The following ADGRG5 variants were observed in gnomAD, a reference collection of about 807,000 sequenced individuals.
ADGRG5 encodes the protein G protein-coupled receptor 114.
Under a neutral mutation model 53.2 loss-of-function variants are expected in ADGRG5, and 37 were observed. The ratio of observed to expected loss-of-function variants is 0.70; its 90% CI spans 0.53 to 0.91. The LOEUF is 0.91. Ranked by LOEUF, ADGRG5 falls within the 40% of genes least tolerant of loss-of-function variation. The pLI is 0.00. For missense variants in ADGRG5, 614 were observed against 675.8 expected (o/e 0.91, Z 1.01); for synonymous variants, 277 against 290.4 (o/e 0.95, Z 0.47).
intron 1 of ADGRG5, among the ~76,000 whole-genome samples, chr16:57,557,927 A>T (rs1200442409): frequency 2.0e-5 from 3 of 152,214 alleles, no homozygotes; most frequent in African/African-American, 7.2e-5. Context: ...TCTTGTCTCT[A>T]TATGATAGTT....
chr16:57,575,415 G>A, intron 11 of ADGRG5, 23 bp from the exon 12 acceptor site: 2 of 1,610,962 alleles, frequency 1.2e-6, no homozygotes, highest in Non-Finnish European at 1.7e-6. Context: ...CTGCCCCGTG[G>A]AACTCCCGCC....
intron 9 of ADGRG5, among the ~76,000 whole-genome samples, chr16:57,569,556 TATC>T (rs2033278147): frequency 6.8e-5 from 6 of 87,656 alleles, no homozygotes; most frequent in South Asian, 3.9e-4. Flanking sequence ...TCATCACCAT[TATC>T]ACCTCCTCTA....
the ADGRG5 span, chr16:57,529,204 G>A: frequency 8.6e-7 from 1 of 1,164,162 alleles, no homozygotes; most frequent in Non-Finnish European, 1.1e-6. The surrounding 1 kb of genome is among the most constrained non-coding windows in gnomAD (Gnocchi z 4.1). Context: ...CCCTGAGCTC[G>A]AACTCGCGGT....
At chr16:57,547,240 T>C (rs1339528550) in intron 1 of ADGRG5, among the ~76,000 whole-genome samples, 1 of 152,170 alleles carries the variant, frequency 6.6e-6, no homozygotes, top group African/African-American at 2.4e-5. Context: ...ACAGAAAATA[T>C]AAAAGGAAGT....
At chr16:57,570,902 A>T (rs1006759778) in intron 10 of ADGRG5, among the ~76,000 whole-genome samples, 7 of 151,938 alleles carry the variant, frequency 4.6e-5, no homozygotes, top group African/African-American at 1.7e-4. Context: ...TGCTGCACCT[A>T]CCCAGGCTCC....
Position 57,574,999 on chromosome 16 carries a change from C to T in ADGRG5, c.1393C>T (p.Leu465=). 6.2e-7 allele frequency: 1 copy of T among 1,614,000 alleles called. No individual in the cohort carries two copies. Among genetic ancestry groups the T allele is most frequent in the Non-Finnish European group, 8.5e-7 (1 of 1,179,994 alleles). The change falls in exon 11 of 12, where the codon CTG becomes TTG. Residue 465 remains leucine (L), a synonymous_variant. Transcript: ENST00000349457. The surrounding 1 kb of genome is among the most constrained non-coding windows in gnomAD (Gnocchi z 4.4). The stretch of plus-strand genomic sequence containing the variant: ...TGTCACTGTGCTGGGCCTCACCGTG[C>T]TGCTGGGAACCACCTGGGCCTTGGC... ...DTVTVLGLTV[L]LGTTWALAFF...
intron 1 of ADGRG5, among the ~76,000 whole-genome samples, chr16:57,550,110 A>G (rs1377500678): frequency 6.6e-6 from 1 of 152,016 alleles, no homozygotes; most frequent in Non-Finnish European, 1.5e-5. Flanking sequence ...TTGAGCAGCT[A>G]GGATTACAGG....
At position 57,567,463 on chromosome 16, in the gene ADGRG5, C is replaced by T. The variant is rs1043189638; in HGVS notation, c.700-7C>T. The T allele has an allele frequency of 6.2e-7, 1 of 1,606,514 alleles. No homozygotes were observed. ...TTCTGGCCTCCAGCCCCTCTTCCCT[C>T]CTGCAGCAACTCTCCCCAGCCCTGG... On this transcript the variant is annotated splice_region_variant and splice_polypyrimidine_tract_variant and intron_variant, in intron 7 of 11. Transcript: ENST00000349457.
chr16:57,557,086 A>G (rs557366060), intron 1 of ADGRG5, among the ~76,000 whole-genome samples: 4 of 150,730 alleles, frequency 2.7e-5, no homozygotes, highest in Non-Finnish European at 5.9e-5. Context: ...AGTTTTGTAT[A>G]TTTTCTAGAG....
intron 10 of ADGRG5, among the ~76,000 whole-genome samples, chr16:57,571,656 CTTTTTTTTT>C (rs61698586): frequency 7.5e-6 from 1 of 134,024 alleles, no homozygotes; most frequent in East Asian, 2.2e-4. Flanking sequence ...TCTTTTTTTT[CTTTTTTTTT>C]TTTTTTTGAG....
At chr16:57,530,812 C>T in the ADGRG5 span, among the ~76,000 whole-genome samples, 1 of 151,880 alleles carries the variant, frequency 6.6e-6, no homozygotes, top group Non-Finnish European at 1.5e-5. Flanking sequence ...AAGGTCCTTC[C>T]AAAGTGGTCC....
At chr16:57,555,840 A>G (rs1028140089) in intron 1 of ADGRG5, among the ~76,000 whole-genome samples, 2 of 152,094 alleles carry the variant, frequency 1.3e-5, no homozygotes, top group Non-Finnish European at 1.5e-5. Flanking sequence ...TCAATGTTGG[A>G]GAGGGACCTG....
chr16:57,568,266 C>T, intron 9 of ADGRG5, 142 bp downstream of exon 9: 1 of 763,988 alleles, frequency 1.3e-6, no homozygotes, highest in Non-Finnish European at 2.1e-6. Context: ...CTACACCCAC[C>T]TCTACTTTCT....
At chr16:57,532,868 G>A in the ADGRG5 span, among the ~76,000 whole-genome samples, 18 of 152,212 alleles carry the variant, frequency 1.2e-4, no homozygotes, top group African/African-American at 3.9e-4. Flanking sequence ...AATGCCAGCC[G>A]GCAGCTGTGC....
At chr16:57,537,525 T>G in the ADGRG5 span, among the ~76,000 whole-genome samples, 1 of 152,202 alleles carries the variant, frequency 6.6e-6, no homozygotes, top group East Asian at 1.9e-4. Flanking sequence ...GTCTTGCTTT[T>G]TCTTGTAATA....
chr16:57,537,407 T>C, the ADGRG5 span, among the ~76,000 whole-genome samples: 41 of 152,256 alleles, frequency 2.7e-4, no homozygotes, highest in East Asian at 6.6e-3. Context: ...AAGCTAAATA[T>C]TACGAAGATA....
chr16:57,554,214 CTT>C (rs1218200136), intron 1 of ADGRG5, among the ~76,000 whole-genome samples: 2 of 151,972 alleles, frequency 1.3e-5, no homozygotes, highest in Non-Finnish European at 2.9e-5. Context: ...GATAGCCCCT[CTT>C]TTATTGCTGA....
At chr16:57,564,096 C>A in intron 5 of ADGRG5, 117 bp downstream of exon 5, 3 of 1,137,094 alleles carry the variant, frequency 2.6e-6, no homozygotes, top group Non-Finnish European at 3.8e-6. Context: ...ACCAACCAGC[C>A]ATCTGTGCAA....
chr16:57,557,858 C>T (rs1596782955), intron 1 of ADGRG5, among the ~76,000 whole-genome samples: 1 of 152,094 alleles, frequency 6.6e-6, no homozygotes, highest in South Asian at 2.1e-4. Context: ...TGAAATTTCC[C>T]GTCTGTTCTT....
Sources: gnomAD v4.1 joint callset for allele counts (sites outside exome capture counted in the v4.1 genomes callset) on GRCh38, gnomAD v4.1.1 for gene constraint, Gnocchi (gnomAD v3.1) non-coding constraint, MANE v1.5 for transcripts, NCBI Gene and HGNC (gene_info 2026-07-23, HGNC 2026-07-21) for gene names.